PKDCC: variants seen among roughly 807,000 people sequenced by gnomAD.
The protein encoded by PKDCC is protein kinase domain containing, cytoplasmic.
PKDCC carries 35 observed loss-of-function variants against 44.7 expected under a neutral mutation model. That is an observed-to-expected ratio of 0.78 (90% confidence interval 0.60 to 1.04). PKDCC has a LOEUF of 1.04. PKDCC is among the 50% of genes least tolerant of loss of function. The pLI, the probability that PKDCC is intolerant of heterozygous loss-of-function variation, is 0.00. For synonymous variants in PKDCC, 353 were observed against 303.3 expected, an observed-to-expected ratio of 1.16 and a Z score of -1.70; for missense variants, 738 against 672.7, an observed-to-expected ratio of 1.10 and a Z score of -1.07.
chr2:42,055,688 A>C lies in PKDCC; in HGVS notation c.1222+295A>C. ...CTGGCTATATGACTTTGAGCAAGTT[A>C]CCCCTTGAACCTCACTTTCCTCATC... On this transcript the variant is annotated intron_variant, in intron 5 of 6. Transcript: ENST00000294964. The surrounding 1 kb of genome is among the most constrained non-coding windows in gnomAD (Gnocchi z 4.5). 3.1e-6 allele frequency: 1 copy of C among 326,266 alleles called. No individual in the cohort carries two copies. Among genetic ancestry groups the C allele is most frequent in the Non-Finnish European group, 5.6e-6 (1 of 177,366 alleles). 20.2% of individuals were successfully genotyped at this position (326,266 alleles called of 1,614,324 possible).
intron 1 of PKDCC, among the ~76,000 whole-genome samples, chr2:42,049,925 C>T (rs1365491542): frequency 1.3e-5 from 2 of 152,202 alleles, no homozygotes; most frequent in Admixed American, 1.3e-4. Context: ...CACCTACCAG[C>T]CCACTCAAAC....
intron 1 of PKDCC, among the ~76,000 whole-genome samples, chr2:42,049,776 C>G (rs1667936561): frequency 6.6e-6 from 1 of 152,298 alleles, no homozygotes; most frequent in South Asian, 2.1e-4. Context: ...TCTCTCAGGT[C>G]TCCCCCCATC....
Position 42,057,629 on chromosome 2 carries a change from G to T in PKDCC, c.1423G>T (p.Gly475Ter), listed in dbSNP as rs765378447. 1 of 1,614,006 alleles carries T rather than the reference G, an allele frequency of 6.2e-7. No homozygotes were observed. The highest frequency in any genetic ancestry group is 8.5e-7 in the Non-Finnish European group (1 of 1,180,006). Reference sequence around the variant, plus strand: ...TCGGCAGCTGGTCTTTTTCAAGACTGGATGGAGCCAAGTGGTCCCTGATCC... The same window carrying T: ...TCGGCAGCTGGTCTTTTTCAAGACTTGATGGAGCCAAGTGGTCCCTGATCC... ...TGRQLVFFKT[G>*]WSQVVPDPNK... is the part of the protein sequence containing the mutation. Residue 475 changes from glycine to a stop codon, truncating the protein, a stop_gained, in exon 7 of 7, where the codon GGA becomes TGA. Coordinates refer to ENST00000294964, the MANE Select transcript of PKDCC (RefSeq NM_138370.3). LOFTEE classifies it high-confidence loss of function.
chr2:42,049,044 G>C (rs927509921), intron 1 of PKDCC, among the ~76,000 whole-genome samples: 1 of 152,102 alleles, frequency 6.6e-6, no homozygotes, highest in African/African-American at 2.4e-5. Context: ...AGAACTCCTG[G>C]GTTTCTCGGC....
At position 42,051,304 on chromosome 2, in the gene PKDCC, A is replaced by G. The variant is rs1667963034; in HGVS notation, c.640-1935A>G. 6.9e-6 allele frequency among the ~76,000 whole-genome samples: 1 copy of G among 145,806 alleles called. No individual in the cohort carries two copies. The highest frequency in any genetic ancestry group is 2.3e-4 in the South Asian group (1 of 4,382). On this transcript the variant is annotated intron_variant, in intron 1 of 6. Coordinates refer to ENST00000294964, the MANE Select transcript of PKDCC (RefSeq NM_138370.3). This position sits in a 1 kb window ranked among gnomAD's most constrained non-coding sequence, Gnocchi z 4.2. ...CCTCTATAGCCCAGGGCCAAAGGGC[A>G]CAAGGGTCTCCCCTCCCCTCAACCT...
rs1316482350 is a variant in PKDCC, at chr2:42,051,737, C to T, written c.640-1502C>T. 6.6e-6 allele frequency among the ~76,000 whole-genome samples: 1 copy of T among 152,046 alleles called. No homozygotes were observed. The highest frequency in any genetic ancestry group is 1.5e-5 in the Non-Finnish European group (1 of 67,992). On this transcript the variant is annotated intron_variant, in intron 1 of 6. Transcript: ENST00000294964. The surrounding 1 kb of genome is among the most constrained non-coding windows in gnomAD (Gnocchi z 4.2). ...AGAGAAGAGGGTGCCTGGAGCTGCC[C>T]TGGCCCCCCAAGTCACAGCCCAAGA...
At chr2:42,053,919 A>C in intron 2 of PKDCC, 117 bp from the exon 3 acceptor site, 44 of 1,311,218 alleles carry the variant, frequency 3.4e-5, no homozygotes, top group Non-Finnish European at 4.4e-5. Flanking sequence ...GGCCTATAGA[A>C]GAGAAGTGCC....
rs2103927216 is a variant in PKDCC, at chr2:42,052,721, A to C, written c.640-518A>C. On this transcript the variant is annotated intron_variant, in intron 1 of 6. Transcript: ENST00000294964. This position sits in a 1 kb window ranked among gnomAD's most constrained non-coding sequence, Gnocchi z 4.3. ...CATGCCACTGCACTCCAGCCTGGGC[A>C]ACAGAGCGAGGCTGTCTCAAAAAAA... Among the ~76,000 whole-genome samples, 1 of 151,966 alleles carries C rather than the reference A, an allele frequency of 6.6e-6. No homozygotes were observed. The highest frequency in any genetic ancestry group is 2.4e-5 in the African/African-American group (1 of 41,434).
Position 42,054,204 on chromosome 2 carries a change from G to A in PKDCC, c.931G>A (p.Asp311Asn), listed in dbSNP as rs374454176. 5.0e-6 allele frequency: 8 copies of A among 1,606,124 alleles called. No individual in the cohort carries two copies. The highest frequency in any genetic ancestry group is 4.3e-6 in the Non-Finnish European group (5 of 1,176,172). The change falls in exon 3 of 7, where the codon GAC (aspartate) becomes AAC (asparagine). Residue 311 changes from aspartate (D) to asparagine (N), a missense_variant. Asp to Asn is a conservative substitution (Grantham distance 23). Coordinates refer to ENST00000294964, the MANE Select transcript of PKDCC (RefSeq NM_138370.3). This position sits in a 1 kb window ranked among gnomAD's most constrained non-coding sequence, Gnocchi z 6.1. ...GGAGACGCCGTGTGCAGGCAGCACCGACTGCATACTCGAGTTTCCGGCCAG... is the reference window on the plus strand; with the variant it reads ...GGAGACGCCGTGTGCAGGCAGCACCAACTGCATACTCGAGTTTCCGGCCAG... Reference protein sequence around the residue: ...VEETPCAGSTDCILEFPARNF... With the variant: ...VEETPCAGSTNCILEFPARNF...
rs1667900481 is a variant in PKDCC, at chr2:42,048,244, C to G, written c.45C>G (p.Ser15=). The G allele has an allele frequency of 7.9e-7, 1 of 1,273,322 alleles. No individual in the cohort carries two copies. Among genetic ancestry groups the G allele is most frequent in the Non-Finnish European group, 1.0e-6 (1 of 998,228 alleles). 78.9% of individuals were successfully genotyped at this position (1,273,322 alleles called of 1,614,324 possible). A position where few individuals can be genotyped will look rare whatever the true frequency, so the allele number is the denominator to read the frequency against. Residue 15 remains serine, a synonymous_variant, in exon 1 of 7, where the codon TCC becomes TCG. Coordinates refer to ENST00000294964, the MANE Select transcript of PKDCC (RefSeq NM_138370.3). This position sits in a 1 kb window ranked among gnomAD's most constrained non-coding sequence, Gnocchi z 6.2. ...RAAVAAGFCA[S]FLLGSVLNVL... is the part of the protein sequence containing the mutation. ...CAGTGGCCGCGGGTTTCTGCGCCTCCTTCCTGCTGGGCTCCGTCCTCAACG... is the reference window on the plus strand; with the variant it reads ...CAGTGGCCGCGGGTTTCTGCGCCTCGTTCCTGCTGGGCTCCGTCCTCAACG...
In PKDCC at chr2:42,055,297, T is replaced by TG; in HGVS notation, c.1132dup (p.Val378GlyfsTer65). ...ACTGCACTCTGCAGGAGAGCTCGCC[T>TG]GGGGGGTGGACGAGACCCTGGCCCA... On this transcript the variant is annotated frameshift_variant, in exon 5 of 7. Coordinates refer to ENST00000294964, the MANE Select transcript of PKDCC (RefSeq NM_138370.3). LOFTEE classifies it high-confidence loss of function. This position sits in a 1 kb window ranked among gnomAD's most constrained non-coding sequence, Gnocchi z 4.5. The TG allele has an allele frequency of 2.5e-6, 4 of 1,613,024 alleles. No individual in the cohort carries two copies. Among genetic ancestry groups the TG allele is most frequent in the Non-Finnish European group, 1.7e-6 (2 of 1,179,856 alleles).
At chr2:42,053,758 T>C (rs1427369343) in intron 2 of PKDCC, among the ~76,000 whole-genome samples, 1 of 152,174 alleles carries the variant, frequency 6.6e-6, no homozygotes, top group East Asian at 1.9e-4. Flanking sequence ...AGGATGCAAC[T>C]TCAGGGAAGA....
In PKDCC at chr2:42,054,974, C is replaced by T. The variant is rs1424996838; in HGVS notation, c.1068C>T (p.Ala356=). ...FFFTYLLPHS[A]PPSLRPLLDS... ...TCACATACCTCCTGCCTCACAGTGCCCCGCCTTCACTGCGTCCTCTGCTGG... is the reference window on the plus strand; with the variant it reads ...TCACATACCTCCTGCCTCACAGTGCTCCGCCTTCACTGCGTCCTCTGCTGG... Residue 356 remains alanine (A), a synonymous_variant, in exon 4 of 7, where the codon GCC becomes GCT. Transcript: ENST00000294964. This position sits in a 1 kb window ranked among gnomAD's most constrained non-coding sequence, Gnocchi z 6.1. 2 of 1,613,972 alleles carry T rather than the reference C, an allele frequency of 1.2e-6. No individual in the cohort carries two copies. The highest frequency in any genetic ancestry group is 2.7e-5 in the African/African-American group (2 of 74,896).
intron 1 of PKDCC, among the ~76,000 whole-genome samples, chr2:42,050,261 T>C (rs538433832): frequency 6.6e-6 from 1 of 152,328 alleles, no homozygotes; most frequent in African/African-American, 2.4e-5. Context: ...AGCCCCTGGT[T>C]ACGTGGCCAT....
chr2:42,056,682 T>A (rs1668061604), intron 5 of PKDCC, among the ~76,000 whole-genome samples: 1 of 151,676 alleles, frequency 6.6e-6, no homozygotes, highest in Non-Finnish European at 1.5e-5. Flanking sequence ...GAGGATCCCT[T>A]GAGCCCAGGA....
rs1174198318 is a variant in PKDCC at position 42,054,327 on chromosome 2, C to CG, written c.1034+23dup. On this transcript the variant is annotated intron_variant, in intron 3 of 6. Coordinates refer to ENST00000294964, the MANE Select transcript of PKDCC (RefSeq NM_138370.3). The surrounding 1 kb of genome is among the most constrained non-coding windows in gnomAD (Gnocchi z 6.1). Reference sequence around the variant, plus strand: ...CTACAGGTGACCTCCACCCCTGACTCGGGAACTCCATCGAAGGAGAATGGG... The same window carrying CG: ...CTACAGGTGACCTCCACCCCTGACTCGGGGAACTCCATCGAAGGAGAATGGG... 1.9e-6 allele frequency: 3 copies of CG among 1,583,716 alleles called. No homozygotes were observed. The highest frequency in any genetic ancestry group is 1.7e-5 in the Admixed American group (1 of 57,178).
At chr2:42,056,482 C>A (rs544049566) in intron 5 of PKDCC, among the ~76,000 whole-genome samples, 1 of 152,146 alleles carries the variant, frequency 6.6e-6, no homozygotes, top group East Asian at 1.9e-4. Context: ...GAGGAACTTG[C>A]CTAACTTCTC....
Position 42,054,400 on chromosome 2 carries a change from A to G in PKDCC, c.1034+93A>G. 3.5e-6 allele frequency: 5 copies of G among 1,428,840 alleles called. No homozygotes were observed. The highest frequency in any genetic ancestry group is 4.7e-6 in the Non-Finnish European group (5 of 1,056,288). The allele number at this position is 1,428,840 out of a possible 1,614,324, so 88.5% of individuals were successfully genotyped here. On this transcript the variant is annotated intron_variant, in intron 3 of 6. Transcript: ENST00000294964. The surrounding 1 kb of genome is among the most constrained non-coding windows in gnomAD (Gnocchi z 6.1). ...GAGCCAACGTGGAGGCCAGCTGGGC[A>G]GGGAGACTCAGCCTTGACCAGAGCA...
intron 1 of PKDCC, among the ~76,000 whole-genome samples, chr2:42,049,736 C>G (rs1269544906): frequency 6.6e-6 from 1 of 152,192 alleles, no homozygotes; most frequent in African/African-American, 2.4e-5. Context: ...CTCTCACAGT[C>G]CCAGCACCGC....
Sources: allele counts gnomAD v4.1 joint callset (sites outside exome capture counted in the v4.1 genomes callset), GRCh38; gene constraint gnomAD v4.1.1; non-coding constraint Gnocchi (gnomAD v3.1); transcripts MANE v1.5; gene names NCBI Gene and HGNC (gene_info 2026-07-23, HGNC 2026-07-21).